CACNA1S: variants seen among roughly 807,000 people sequenced by gnomAD.
CACNA1S encodes voltage-dependent L-type calcium channel subunit alpha-1S.
Under a neutral mutation model 207.4 loss-of-function variants are expected in CACNA1S, and 126 were observed. The ratio of observed to expected loss-of-function variants is 0.61; its 90% CI spans 0.53 to 0.70. The LOEUF is 0.70. Among genes scored for constraint, CACNA1S ranks in the 30% least tolerant of loss-of-function variants. The pLI is 0.00. For synonymous variants in CACNA1S, 960 were observed against 932.7 expected, an observed-to-expected ratio of 1.03 and a Z score of -0.53; for missense variants, 2,349 against 2,422.8, an observed-to-expected ratio of 0.97 and a Z score of 0.64.
At chr1:201,046,629 G>A (rs768930678) in intron 38 of CACNA1S, among the ~76,000 whole-genome samples, 5 of 151,702 alleles carry the variant, frequency 3.3e-5, no homozygotes, top group Non-Finnish European at 4.4e-5. Context: ...TGCAACCTCC[G>A]CTTCCAGGGT....
chr1:201,080,727 T>C (rs1034911836), intron 10 of CACNA1S, among the ~76,000 whole-genome samples: 6 of 135,146 alleles, frequency 4.4e-5, no homozygotes, highest in Middle Eastern at 3.8e-3. Context: ...CTTATTTGGT[T>C]TGCAGTTTTT....
intron 9 of CACNA1S, among the ~76,000 whole-genome samples, chr1:201,084,724 T>C (rs1474950303): frequency 6.6e-6 from 1 of 152,206 alleles, no homozygotes; most frequent in East Asian, 1.9e-4. Context: ...ATGTGCTATA[T>C]AAATAGGTCA....
At chr1:201,046,701 T>G (rs917425593) in intron 38 of CACNA1S, among the ~76,000 whole-genome samples, 39 of 150,800 alleles carry the variant, frequency 2.6e-4, no homozygotes, top group Non-Finnish European at 5.8e-4. Flanking sequence ...ACCTGACTAA[T>G]TTTTGTATTT....
At chr1:201,073,936 T>A (rs1558069850) in intron 14 of CACNA1S, among the ~76,000 whole-genome samples, 1 of 152,044 alleles carries the variant, frequency 6.6e-6, no homozygotes. Flanking sequence ...TTATACGAGA[T>A]TCATAGAGTG....
chr1:201,075,578 T>C lies in CACNA1S; in HGVS notation c.1865A>G (p.Asn622Ser), dbSNP rs929488198. 1 of 1,614,008 alleles carries C rather than the reference T, an allele frequency of 6.2e-7. No homozygotes were observed. Among genetic ancestry groups the C allele is most frequent in the East Asian group, 2.2e-5 (1 of 44,874 alleles). The change falls in exon 13 of 44, where the codon AAT (asparagine) becomes AGT (serine). Residue 622 changes from asparagine to serine, a missense_variant. By Grantham distance (46) the Asn-to-Ser change is conservative. Transcript: ENST00000362061. ...CGGCCCGCCGTAGGCCATGATCCCATTGTACATCATTGAGGTCCAGTCTTC... is the reference window on the plus strand; with the variant it reads ...CGGCCCGCCGTAGGCCATGATCCCACTGTACATCATTGAGGTCCAGTCTTC... ...TGEDWTSMMY[N>S]GIMAYGGPSY...
chr1:201,052,925 A>T (rs1660705432), intron 31 of CACNA1S, among the ~76,000 whole-genome samples: 1 of 152,016 alleles, frequency 6.6e-6, no homozygotes, highest in South Asian at 2.1e-4. Context: ...AAGTGCTCTC[A>T]GGGGAGGGTA....
At position 201,077,186 on chromosome 1, in the gene CACNA1S, G is replaced by T. The variant is rs949816013; in HGVS notation, c.1620-59C>A. 9.8e-6 allele frequency: 14 copies of T among 1,424,612 alleles called. No homozygotes were observed. In the African/African-American group the frequency reaches 1.6e-4, roughly 16 times the overall value. The allele number at this position is 1,424,612 out of a possible 1,614,324, so 88.2% of individuals were successfully genotyped here. A position where few individuals can be genotyped will look rare whatever the true frequency, so the allele number is the denominator to read the frequency against. On this transcript the variant is annotated intron_variant, in intron 11 of 43. Coordinates refer to ENST00000362061, the MANE Select transcript of CACNA1S (RefSeq NM_000069.3). Reference sequence around the variant, plus strand: ...CAGACCCTCTCACTGGGGCCCACGAGGTGTGGACAGGCTTGGGGGAAAGAC... The same window carrying T: ...CAGACCCTCTCACTGGGGCCCACGATGTGTGGACAGGCTTGGGGGAAAGAC...
In CACNA1S at chr1:201,066,897, T is replaced by G. The variant is rs553593355; in HGVS notation, c.2647A>C (p.Met883Leu). The change falls in exon 20 of 44, where the codon ATG (methionine) becomes CTG (leucine). Residue 883 changes from methionine (M) to leucine (L), a missense_variant. By Grantham distance (15) the Met-to-Leu change is conservative. Coordinates refer to ENST00000362061, the MANE Select transcript of CACNA1S (RefSeq NM_000069.3). The surrounding 1 kb of genome is among the most constrained non-coding windows in gnomAD (Gnocchi z 4.3). ...LLVVAVSLIS[M>L]GLESSAISVV... ...CTTGCCGCTGCTCACTCAAGTCCCA[T>G]GGAGATGAGGGACACGGCCACCACC... is the stretch of plus-strand genomic sequence containing the variant. The G allele has an allele frequency of 3.5e-5, 57 of 1,612,186 alleles. No individual in the cohort carries two copies. In the South Asian group the frequency reaches 5.7e-4, roughly 16 times the overall value.
chr1:201,042,147 G>GT (rs931201754), intron 40 of CACNA1S, among the ~76,000 whole-genome samples: 6 of 152,130 alleles, frequency 3.9e-5, no homozygotes, highest in African/African-American at 1.2e-4. Context: ...GTTTTGTTTT[G>GT]TTTTTTTGAG....
chr1:201,093,276 A>G (rs1054003757), intron 3 of CACNA1S, among the ~76,000 whole-genome samples: 2 of 152,186 alleles, frequency 1.3e-5, no homozygotes, highest in Non-Finnish European at 2.9e-5. Context: ...TGGTGTCCTT[A>G]TAAGAAGAGG....
At chr1:201,084,722 T>A (rs1363711881) in intron 9 of CACNA1S, among the ~76,000 whole-genome samples, 2 of 152,210 alleles carry the variant, frequency 1.3e-5, no homozygotes, top group Non-Finnish European at 1.5e-5. Context: ...TTATGTGCTA[T>A]ATAAATAGGT....
At position 201,047,520 on chromosome 1, in the gene CACNA1S, C is replaced by T; in HGVS notation, c.4543+5G>A. The stretch of plus-strand genomic sequence containing the variant: ...TGGACTCTGGTCCCCCAAAGTAGCA[C>T]CTACCTCCTATTGGAGGGATGACCT... On this transcript the variant is annotated splice_donor_5th_base_variant and intron_variant, in intron 37 of 43. Transcript: ENST00000362061. The T allele has an allele frequency of 6.2e-7, 1 of 1,611,382 alleles. No homozygotes were observed. The highest frequency in any genetic ancestry group is 8.5e-7 in the Non-Finnish European group (1 of 1,177,500).
Position 201,066,083 on chromosome 1 carries a change from G to A in CACNA1S, c.2746-138C>T. 1.1e-6 allele frequency: 1 copy of A among 935,408 alleles called. No homozygotes were observed. The highest frequency in any genetic ancestry group is 2.6e-5 in the East Asian group (1 of 38,424). The allele number at this position is 935,408 out of a possible 1,614,324, so 57.9% of individuals were successfully genotyped here. On this transcript the variant is annotated intron_variant, in intron 21 of 43. Transcript: ENST00000362061. This position sits in a 1 kb window ranked among gnomAD's most constrained non-coding sequence, Gnocchi z 4.3. ...GGGGAAAGGCTGGTGGGGAAGCATA[G>A]CTACCCCAGCCTCATCCTTACCCCT...
At position 201,066,044 on chromosome 1, in the gene CACNA1S, G is replaced by T; in HGVS notation, c.2746-99C>A. ...AGGAGTGCAAGACTTGCTGCCTCCTGATGAGTTGGAGGTGGGGAAAGGCTG... is the reference window on the plus strand; with the variant it reads ...AGGAGTGCAAGACTTGCTGCCTCCTTATGAGTTGGAGGTGGGGAAAGGCTG... On this transcript the variant is annotated intron_variant, in intron 21 of 43. Transcript: ENST00000362061. This position sits in a 1 kb window ranked among gnomAD's most constrained non-coding sequence, Gnocchi z 4.3. 1 of 982,934 alleles carries T rather than the reference G, an allele frequency of 1.0e-6. No individual in the cohort carries two copies. 60.9% of individuals were successfully genotyped at this position (982,934 alleles called of 1,614,324 possible).
chr1:201,051,218 G>A, intron 32 of CACNA1S, 75 bp from the exon 33 acceptor site: 3 of 1,519,052 alleles, frequency 2.0e-6, no homozygotes, highest in East Asian at 4.5e-5. Context: ...TCAGGTGGCA[G>A]CAGGGTGTGG....
At chr1:201,063,174 A>T (rs1403098471) in intron 22 of CACNA1S, among the ~76,000 whole-genome samples, 2 of 150,780 alleles carry the variant, frequency 1.3e-5, no homozygotes, top group South Asian at 2.1e-4. Context: ...TTATTATAGA[A>T]TTTTTTTTAA....
At chr1:201,094,072 C>A in intron 2 of CACNA1S, 51 bp from the exon 3 acceptor site, 1 of 1,609,956 alleles carries the variant, frequency 6.2e-7, no homozygotes. Flanking sequence ...CTGAGTGCAC[C>A]CTTGCTCTCT....
In CACNA1S at chr1:201,093,953, G is replaced by T; in HGVS notation, c.327C>A (p.Gly109=). ...IEAAMKIIAY[G]FLFHQDAYLR... Reference sequence around the variant, plus strand: ...GGTAAGCGTCCTGGTGGAATAAGAAGCCGTAGGCAATGATCTTCATGGCGG... The same window carrying T: ...GGTAAGCGTCCTGGTGGAATAAGAATCCGTAGGCAATGATCTTCATGGCGG... The change falls in exon 3 of 44, where the codon GGC becomes GGA. Residue 109 remains glycine (G), a synonymous_variant. Coordinates refer to ENST00000362061, the MANE Select transcript of CACNA1S (RefSeq NM_000069.3). The T allele has an allele frequency of 6.2e-7, 1 of 1,614,210 alleles. No individual in the cohort carries two copies. The highest frequency in any genetic ancestry group is 8.5e-7 in the Non-Finnish European group (1 of 1,180,024).
rs80318815 is a variant in CACNA1S, at chr1:201,104,549, C to T, written c.258+5615G>A. 8.4e-3 allele frequency among the ~76,000 whole-genome samples: 1,283 copies of T among 152,322 alleles called. 7 individuals are homozygous for T. Among genetic ancestry groups the T allele is most frequent in the South Asian group, 0.027 (129 of 4,830 alleles). The stretch of plus-strand genomic sequence containing the variant: ...CAATCCTATTCCATCATTCTCTCTC[C>T]GGTGTCATAACTTCTGCTGCTCTAA... On this transcript the variant is annotated intron_variant, in intron 2 of 43. Transcript: ENST00000362061.
Sources: allele counts gnomAD v4.1 joint callset (sites outside exome capture counted in the v4.1 genomes callset), GRCh38; gene constraint gnomAD v4.1.1; non-coding constraint Gnocchi (gnomAD v3.1); transcripts MANE v1.5; gene names NCBI Gene and HGNC (gene_info 2026-07-23, HGNC 2026-07-21).